MKLN1: variants seen among roughly 807,000 people sequenced by gnomAD.
The protein encoded by MKLN1 is muskelin 1.
A neutral mutation model predicts 99.0 loss-of-function variants in MKLN1; 18 were observed. The ratio of observed to expected loss-of-function variants is 0.18; its 90% CI spans 0.13 to 0.27. The LOEUF is 0.27. Ranked by LOEUF, MKLN1 falls within the 10% of genes least tolerant of loss-of-function variation. The pLI is 1.00. For synonymous variants in MKLN1, 288 were observed against 293.2 expected (o/e 0.98, Z 0.18); for missense variants, 621 against 875.9 (o/e 0.71, Z 3.67).
chr7:131,368,821 T>C (rs1800257608), intron 1 of MKLN1, among the ~76,000 whole-genome samples: 1 of 152,162 alleles, frequency 6.6e-6, no homozygotes, highest in Non-Finnish European at 1.5e-5. Flanking sequence ...ACAATAACTT[T>C]TTACTGTTTT....
At chr7:131,299,180 A>G (rs561710147) in intron 3 of MKLN1, among the ~76,000 whole-genome samples, 1 of 152,358 alleles carries the variant, frequency 6.6e-6, no homozygotes, top group Non-Finnish European at 1.5e-5. Context: ...AGACACTTGA[A>G]CAATTATTGC....
chr7:131,424,416 G>C (rs1379745154), intron 8 of MKLN1, among the ~76,000 whole-genome samples: 1 of 151,948 alleles, frequency 6.6e-6, no homozygotes, highest in Admixed American at 6.6e-5. Flanking sequence ...CAAAAGTAGT[G>C]TGCCATCTTG....
In MKLN1 at chr7:131,157,686, GA is replaced by G. The variant is rs375925930; in HGVS notation, c.-297+14749del. Among the ~76,000 whole-genome samples the G allele has an allele frequency of 1.9e-4, 29 of 152,182 alleles. 1 individual carries two copies. The East Asian group carries it at 5.6e-3, about 29-fold the overall frequency. Reference sequence around the variant, plus strand: ...CCTCTTTTTTCATGCAAAAGCTCCTGAAAAGGATAATACATTACCCGAGAAG... The same window carrying G: ...CCTCTTTTTTCATGCAAAAGCTCCTGAAAGGATAATACATTACCCGAGAAG... On this transcript the variant is annotated intron_variant, in intron 2 of 7. Coordinates refer to the MKLN1 transcript ENST00000416992.
At chr7:131,400,959 A>G (rs1356282354) in intron 6 of MKLN1, among the ~76,000 whole-genome samples, 1 of 152,248 alleles carries the variant, frequency 6.6e-6, no homozygotes, top group South Asian at 2.1e-4. Flanking sequence ...GTTAATAAAC[A>G]TTCCTTTCAG....
intron 8 of MKLN1, among the ~76,000 whole-genome samples, chr7:131,416,474 G>A (rs891297841): frequency 6.0e-5 from 9 of 151,234 alleles, no homozygotes; most frequent in Non-Finnish European, 1.3e-4. Flanking sequence ...TCAGGTCAGA[G>A]AGCCTTGAAA....
At chr7:131,283,345 C>CTT (rs755341833) in intron 3 of MKLN1, among the ~76,000 whole-genome samples, 5,641 of 24,476 alleles carry the variant, frequency 0.23, 489 homozygotes, top group African/African-American at 0.27. Context: ...CTTCCCTTCC[C>CTT]CTCCTTCCTT....
At chr7:131,328,308 G>C (rs1046790255) in intron 1 of MKLN1, 17 of 327,894 alleles carry the variant, frequency 5.2e-5, no homozygotes, top group African/African-American at 3.4e-4. Flanking sequence ...GAGGGCTTGG[G>C]GGGCGGACGG....
At chr7:131,137,857 G>A (rs1309721869) in intron 1 of MKLN1, among the ~76,000 whole-genome samples, 1 of 151,858 alleles carries the variant, frequency 6.6e-6, no homozygotes, top group African/African-American at 2.4e-5. Context: ...TTACAAGTGT[G>A]AGCCACTGCA....
intron 15 of MKLN1, among the ~76,000 whole-genome samples, chr7:131,469,803 T>C (rs184931661): frequency 4.7e-4 from 71 of 152,146 alleles, no homozygotes; most frequent in African/African-American, 1.6e-3. Flanking sequence ...CAAATAGATA[T>C]ATAGATATAG....
chr7:131,162,025 T>C (rs1796062068), intron 2 of MKLN1, among the ~76,000 whole-genome samples: 1 of 141,274 alleles, frequency 7.1e-6, no homozygotes, highest in Admixed American at 7.5e-5. Context: ...TACAAATATA[T>C]ATATATATAT....
At chr7:131,228,377 C>G (rs1243803703) in intron 3 of MKLN1, among the ~76,000 whole-genome samples, 1 of 152,158 alleles carries the variant, frequency 6.6e-6, no homozygotes, top group Non-Finnish European at 1.5e-5. Context: ...CTCGGCCTCC[C>G]AAAGTGCTGG....
intron 2 of MKLN1, among the ~76,000 whole-genome samples, chr7:131,376,759 A>G (rs1793678838): frequency 6.6e-6 from 1 of 151,782 alleles, no homozygotes; most frequent in Non-Finnish European, 1.5e-5. Flanking sequence ...TATCTTTTGA[A>G]GCCTCCTTTG....
chr7:131,144,376 G>T (rs1052205034), intron 2 of MKLN1, among the ~76,000 whole-genome samples: 4 of 151,638 alleles, frequency 2.6e-5, no homozygotes, highest in African/African-American at 7.3e-5. Flanking sequence ...CAGCTACTCG[G>T]GAGGCCAAGG....
upstream of MKLN1, among the ~76,000 whole-genome samples, chr7:131,326,608 G>A (rs942163471): frequency 3.9e-5 from 6 of 152,174 alleles, no homozygotes; most frequent in African/African-American, 4.8e-5. Context: ...GCCTCCCAAC[G>A]TGCTGGGATT....
intron 1 of MKLN1, among the ~76,000 whole-genome samples, chr7:131,112,428 C>A (rs1237836179): frequency 6.6e-6 from 1 of 152,200 alleles, no homozygotes; most frequent in Non-Finnish European, 1.5e-5. Context: ...ATTGATGTAT[C>A]CATTTTTAGT....
chr7:131,418,346 G>A (rs1475144792), intron 8 of MKLN1, among the ~76,000 whole-genome samples: 1 of 139,270 alleles, frequency 7.2e-6, no homozygotes, highest in Non-Finnish European at 1.5e-5. Context: ...TCCAGCCTGG[G>A]AGACAAGAGC....
chr7:131,418,391 A>AG (rs1238277612), intron 8 of MKLN1, among the ~76,000 whole-genome samples: 1 of 151,596 alleles, frequency 6.6e-6, no homozygotes, highest in Admixed American at 6.6e-5. Flanking sequence ...AAAAAAAAAA[A>AG]AGAGAGATAA....
intron 9 of MKLN1, among the ~76,000 whole-genome samples, chr7:131,432,195 G>A (rs969320590): frequency 6.6e-6 from 1 of 152,040 alleles, no homozygotes; most frequent in African/African-American, 2.4e-5. Context: ...AGTAGGTGAG[G>A]TAAGTTAAAT....
intron 1 of MKLN1, among the ~76,000 whole-genome samples, chr7:131,126,051 T>TAAA (rs201498095): frequency 0.53 from 57,744 of 108,522 alleles, 12,096 homozygotes; most frequent in East Asian, 0.68. Context: ...AATAAATAAA[T>TAAA]TAATTAATTA....
Sources: gnomAD v4.1 joint callset for allele counts (sites outside exome capture counted in the v4.1 genomes callset) on GRCh38, gnomAD v4.1.1 for gene constraint, MANE v1.5 for transcripts, NCBI Gene and HGNC (gene_info 2026-07-23, HGNC 2026-07-21) for gene names.